The following VEGFC variants were observed in gnomAD, a reference collection of about 807,000 sequenced individuals.
The protein encoded by VEGFC is FLT4 ligand DHM.
Under a neutral mutation model 46.1 loss-of-function variants are expected in VEGFC, and 12 were observed. That is an observed-to-expected ratio of 0.26 (90% CI 0.17 to 0.42). The LOEUF (loss-of-function observed/expected upper bound fraction) is 0.42. Among genes scored for constraint, VEGFC ranks in the 10% least tolerant of loss-of-function variants. The pLI is 1.00. For missense variants in VEGFC, 488 were observed against 529.4 expected (o/e 0.92, Z 0.77); for synonymous variants, 232 against 195.5 (o/e 1.19, Z -1.56).
At chr4:176,787,190 A>G (rs1736017599) in intron 1 of VEGFC, among the ~76,000 whole-genome samples, 2 of 152,144 alleles carry the variant, frequency 1.3e-5, no homozygotes, top group South Asian at 4.1e-4. Flanking sequence ...GGCCGGGCGC[A>G]GTGGCTCATG....
intron 1 of VEGFC, among the ~76,000 whole-genome samples, chr4:176,733,653 G>T (rs1295334534): frequency 1.3e-5 from 2 of 151,818 alleles, no homozygotes; most frequent in African/African-American, 2.4e-5. Flanking sequence ...GGGAAGGGGA[G>T]AAGTGATGTA....
At chr4:176,788,829 A>T (rs1469386229) in intron 1 of VEGFC, among the ~76,000 whole-genome samples, 2 of 152,188 alleles carry the variant, frequency 1.3e-5, no homozygotes, top group Non-Finnish European at 2.9e-5. Context: ...TTAAAAGAAA[A>T]AAAGGAAAAA....
chr4:176,778,379 A>G (rs1735850809), intron 1 of VEGFC, among the ~76,000 whole-genome samples: 1 of 109,808 alleles, frequency 9.1e-6, no homozygotes, highest in Non-Finnish European at 2.0e-5. Flanking sequence ...AAAAGGAAAT[A>G]AAACACATAT....
intron 1 of VEGFC, among the ~76,000 whole-genome samples, chr4:176,788,946 A>C (rs571186833): frequency 2.6e-5 from 4 of 152,220 alleles, no homozygotes; most frequent in Non-Finnish European, 5.9e-5. Context: ...AACAAAACTA[A>C]CTTGCAAAGC....
intron 4 of VEGFC, among the ~76,000 whole-genome samples, chr4:176,690,394 TG>T (rs769145206): frequency 1.5e-4 from 23 of 152,204 alleles, no homozygotes; most frequent in Admixed American, 3.3e-4. Context: ...ATTGCATATA[TG>T]TTTTTTCACA....
chr4:176,726,515 T>G (rs1259005260), intron 3 of VEGFC, among the ~76,000 whole-genome samples: 1 of 152,200 alleles, frequency 6.6e-6, no homozygotes, highest in Non-Finnish European at 1.5e-5. Flanking sequence ...TAATCTAAAA[T>G]GGCTTGTTTC....
At chr4:176,760,145 T>C (rs1261785570) in intron 1 of VEGFC, among the ~76,000 whole-genome samples, 1 of 152,134 alleles carries the variant, frequency 6.6e-6, no homozygotes, top group Non-Finnish European at 1.5e-5. Context: ...TATGAAATAA[T>C]AGGTTTTATT....
intron 6 of VEGFC, among the ~76,000 whole-genome samples, chr4:176,686,696 G>A (rs1407036987): frequency 6.6e-6 from 1 of 151,986 alleles, no homozygotes; most frequent in Admixed American, 6.6e-5. Context: ...TAAGACATGA[G>A]TCTTGGGTAC....
At chr4:176,718,937 C>A (rs565848156) in intron 3 of VEGFC, among the ~76,000 whole-genome samples, 1 of 152,262 alleles carries the variant, frequency 6.6e-6, no homozygotes, top group South Asian at 2.1e-4. Flanking sequence ...CATACAACTT[C>A]TCATAAGAAA....
chr4:176,785,942 T>G (rs1286476667), intron 1 of VEGFC, among the ~76,000 whole-genome samples: 1 of 151,906 alleles, frequency 6.6e-6, no homozygotes, highest in African/African-American at 2.4e-5. Context: ...CTTTTGTAAA[T>G]GTATCCAGAT....
intron 6 of VEGFC, among the ~76,000 whole-genome samples, chr4:176,686,412 G>A (rs1323389865): frequency 2.6e-5 from 4 of 152,144 alleles, no homozygotes; most frequent in African/African-American, 4.8e-5. Flanking sequence ...ACAGTAAGAG[G>A]CTAATAAAAT....
Position 176,735,061 on chromosome 4 carries a change from T to A in VEGFC, c.148-5315A>T, listed in dbSNP as rs535206822. On this transcript the variant is annotated intron_variant, in intron 1 of 6. Transcript: ENST00000618562. ...TATTGCTTTGAAAAAAGGGTCTATT[T>A]CAAGCCACCTCTGTCATGGAATTTT... 7.9e-5 allele frequency among the ~76,000 whole-genome samples: 12 copies of A among 151,910 alleles called. No individual in the cohort carries two copies. In the South Asian group the frequency reaches 2.5e-3, roughly 32 times the overall value.
At chr4:176,790,795 A>C (rs774604737) in intron 1 of VEGFC, among the ~76,000 whole-genome samples, 1 of 152,218 alleles carries the variant, frequency 6.6e-6, no homozygotes, top group East Asian at 1.9e-4. Flanking sequence ...AGCGTTATTG[A>C]GCCGATTATT....
At chr4:176,691,995 A>G (rs1031792380) in intron 4 of VEGFC, among the ~76,000 whole-genome samples, 1 of 152,164 alleles carries the variant, frequency 6.6e-6, no homozygotes, top group African/African-American at 2.4e-5. Flanking sequence ...GGGAAGCACA[A>G]GTGGTCAGGG....
At chr4:176,777,962 A>G (rs1362108063) in intron 1 of VEGFC, among the ~76,000 whole-genome samples, 2 of 137,136 alleles carry the variant, frequency 1.5e-5, no homozygotes, top group Non-Finnish European at 3.1e-5. Context: ...TATTCTTGTT[A>G]TATGTAGAGG....
intron 3 of VEGFC, among the ~76,000 whole-genome samples, chr4:176,716,812 C>T (rs1734708074): frequency 1.3e-5 from 2 of 152,008 alleles, no homozygotes; most frequent in South Asian, 4.2e-4. Flanking sequence ...GAGTTTAGAT[C>T]TATCCAAACA....
In VEGFC at chr4:176,693,146, C is replaced by A. The variant is rs1024832844; in HGVS notation, c.705-5219G>T. Among the ~76,000 whole-genome samples, 9 of 151,962 alleles carry A rather than the reference C, an allele frequency of 5.9e-5. No individual in the cohort carries two copies. The South Asian group carries it at 6.2e-4, about 11-fold the overall frequency. The stretch of plus-strand genomic sequence containing the variant: ...GATGGAGAATAACTTTGACGAGCTG[C>A]GAGAAGAAGGCTTCAGACGATCAAA... On this transcript the variant is annotated intron_variant, in intron 4 of 6. Coordinates refer to ENST00000618562, the MANE Select transcript of VEGFC (RefSeq NM_005429.5).
intron 1 of VEGFC, among the ~76,000 whole-genome samples, chr4:176,736,774 A>G (rs1477211111): frequency 1.3e-5 from 2 of 151,736 alleles, no homozygotes; most frequent in Admixed American, 6.6e-5. Context: ...ATTAATTGTT[A>G]AATATTTCAT....
intron 4 of VEGFC, among the ~76,000 whole-genome samples, chr4:176,703,366 G>A (rs1361918590): frequency 1.3e-5 from 2 of 152,082 alleles, no homozygotes; most frequent in Non-Finnish European, 2.9e-5. Context: ...AGTGAAATAA[G>A]CTGGGCACAG....
Sources: gnomAD v4.1 joint callset for allele counts (sites outside exome capture counted in the v4.1 genomes callset) on GRCh38, gnomAD v4.1.1 for gene constraint, MANE v1.5 for transcripts, NCBI Gene and HGNC (gene_info 2026-07-23, HGNC 2026-07-21) for gene names.